The following DSCAM variants were observed in gnomAD, a reference collection of about 807,000 sequenced individuals.
DSCAM encodes the protein cell adhesion molecule DSCAM.
A neutral mutation model predicts 217.7 loss-of-function variants in DSCAM; 47 were observed. The ratio of observed to expected loss-of-function variants is 0.22; its 90% confidence interval spans 0.17 to 0.28. The LOEUF (loss-of-function observed/expected upper bound fraction) is 0.28, where lower values mean the gene tolerates loss of function less well. Ranked by LOEUF, DSCAM falls within the 10% of genes least tolerant of loss-of-function variation. The pLI is 1.00. For synonymous variants in DSCAM, 1,056 were observed against 1,015.3 expected, an observed-to-expected ratio of 1.04 and a Z score of -0.76; for missense variants, 2,080 against 2,618.3, an observed-to-expected ratio of 0.79 and a Z score of 4.49.
intron 10 of DSCAM, among the ~76,000 whole-genome samples, chr21:40,294,242 A>G (rs2073928675): frequency 6.6e-6 from 1 of 152,248 alleles, no homozygotes; most frequent in African/African-American, 2.4e-5. Flanking sequence ...AACACTTCCA[A>G]ATAAATAAGA....
intron 3 of DSCAM, among the ~76,000 whole-genome samples, chr21:40,671,506 C>CAA (rs1568975452): frequency 1.1e-4 from 16 of 151,480 alleles, no homozygotes; most frequent in South Asian, 6.3e-4. Context: ...AAACTCCCCC[C>CAA]CCGCACCGTC....
At chr21:40,736,202 T>A (rs1473405506) in intron 1 of DSCAM, among the ~76,000 whole-genome samples, 1 of 152,032 alleles carries the variant, frequency 6.6e-6, no homozygotes, top group Non-Finnish European at 1.5e-5. Flanking sequence ...CCCTACTCCC[T>A]CCCTGGACGC....
intron 8 of DSCAM, among the ~76,000 whole-genome samples, chr21:40,317,127 CCAGTT>C (rs2074206082): frequency 6.6e-6 from 1 of 152,210 alleles, no homozygotes; most frequent in African/African-American, 2.4e-5. Flanking sequence ...TATTTACTGT[CCAGTT>C]CAGTGCAAGG....
At chr21:40,241,579 T>A (rs1039345392) in intron 11 of DSCAM, among the ~76,000 whole-genome samples, 1 of 152,166 alleles carries the variant, frequency 6.6e-6, no homozygotes, top group Non-Finnish European at 1.5e-5. Flanking sequence ...GAAAGCAATA[T>A]GGTATGGTGA....
intron 3 of DSCAM, among the ~76,000 whole-genome samples, chr21:40,485,306 G>C (rs557699855): frequency 1.4e-5 from 2 of 144,826 alleles, no homozygotes; most frequent in South Asian, 2.2e-4. Context: ...GCAGTGGCGC[G>C]ATCTCGGCTC....
rs1461105836 is a variant in DSCAM at position 40,026,100 on chromosome 21, T to A, written c.5687-12714A>T. Reference sequence around the variant, plus strand: ...TTGTTCTCGTTGGTTTCAAAGAACATCTTTATTTCTGGTTTCATTTCGTTA... The same window carrying A: ...TTGTTCTCGTTGGTTTCAAAGAACAACTTTATTTCTGGTTTCATTTCGTTA... On this transcript the variant is annotated intron_variant, in intron 32 of 32. Coordinates refer to ENST00000400454, the MANE Select transcript of DSCAM (RefSeq NM_001389.5). Among the ~76,000 whole-genome samples, 11 of 142,430 alleles carry A rather than the reference T, an allele frequency of 7.7e-5. 2 individuals are homozygous for A. Among genetic ancestry groups the A allele is most frequent in the Admixed American group, 5.7e-4 (8 of 14,066 alleles). 93.4% of individuals were successfully genotyped at this position (142,430 alleles called of 152,430 possible).
At chr21:40,346,036 G>A (rs755520059) in intron 6 of DSCAM, among the ~76,000 whole-genome samples, 6 of 152,156 alleles carry the variant, frequency 3.9e-5, no homozygotes, top group Admixed American at 2.6e-4. Flanking sequence ...TTCTGACATC[G>A]TTATGGATCA....
At chr21:40,634,624 A>T (rs893260903) in intron 3 of DSCAM, among the ~76,000 whole-genome samples, 2 of 152,238 alleles carry the variant, frequency 1.3e-5, no homozygotes, top group Non-Finnish European at 2.9e-5. Context: ...CAAATAAGCT[A>T]TCAGTAAAAC....
intron 1 of DSCAM, among the ~76,000 whole-genome samples, chr21:40,715,009 A>G (rs2090826343): frequency 6.6e-6 from 1 of 152,158 alleles, no homozygotes; most frequent in African/African-American, 2.4e-5. Flanking sequence ...TTCTATCCTG[A>G]ACACTTGCTT....
intron 3 of DSCAM, among the ~76,000 whole-genome samples, chr21:40,374,332 T>C (rs2074929109): frequency 6.6e-6 from 1 of 152,246 alleles, no homozygotes; most frequent in African/African-American, 2.4e-5. Context: ...ACAGGGAAGA[T>C]CCCACTGACA....
chr21:40,843,639 C>A (rs1405320370), intron 1 of DSCAM, among the ~76,000 whole-genome samples: 1 of 151,972 alleles, frequency 6.6e-6, no homozygotes, highest in Non-Finnish European at 1.5e-5. Flanking sequence ...CATACGTGTA[C>A]CTTGGCTCCT....
chr21:40,477,701 G>C (rs1030478168), intron 3 of DSCAM, among the ~76,000 whole-genome samples: 2 of 152,046 alleles, frequency 1.3e-5, no homozygotes, highest in African/African-American at 4.8e-5. Flanking sequence ...GCACAAATTT[G>C]TAATTATTTT....
At chr21:40,772,543 G>A (rs942554248) in intron 1 of DSCAM, among the ~76,000 whole-genome samples, 1 of 152,188 alleles carries the variant, frequency 6.6e-6, no homozygotes, top group Non-Finnish European at 1.5e-5. Flanking sequence ...ACCTCCTGCT[G>A]CGGGTGGCTC....
chr21:40,671,826 G>C (rs2090279510), intron 3 of DSCAM, among the ~76,000 whole-genome samples: 1 of 151,640 alleles, frequency 6.6e-6, no homozygotes, highest in African/African-American at 2.4e-5. Context: ...AAGAATATAA[G>C]ACAGCAGTTC....
At chr21:40,447,465 C>T (rs2075684212) in intron 3 of DSCAM, among the ~76,000 whole-genome samples, 1 of 152,186 alleles carries the variant, frequency 6.6e-6, no homozygotes, top group Non-Finnish European at 1.5e-5. Context: ...AATGAACCAC[C>T]TCTATCCAAG....
chr21:40,675,656 T>C (rs377188761), intron 3 of DSCAM, among the ~76,000 whole-genome samples: 2 of 151,968 alleles, frequency 1.3e-5, no homozygotes, highest in African/African-American at 4.8e-5. Context: ...AGGTCGTATA[T>C]GTTAGTCACA....
At chr21:40,778,168 A>G (rs1313676369) in intron 1 of DSCAM, among the ~76,000 whole-genome samples, 1 of 152,202 alleles carries the variant, frequency 6.6e-6, no homozygotes, top group East Asian at 1.9e-4. Flanking sequence ...AAAAAGGAAC[A>G]CGACCTTAAA....
At chr21:40,534,500 G>A (rs1231947045) in intron 3 of DSCAM, among the ~76,000 whole-genome samples, 1 of 152,136 alleles carries the variant, frequency 6.6e-6, no homozygotes, top group Non-Finnish European at 1.5e-5. Context: ...GGGTAGACTT[G>A]GGGTGATCCA....
At chr21:40,113,844 C>A (rs1367990633) in intron 20 of DSCAM, among the ~76,000 whole-genome samples, 1 of 152,072 alleles carries the variant, frequency 6.6e-6, no homozygotes, top group African/African-American at 2.4e-5. Flanking sequence ...ACCTAGGAAT[C>A]CAACTTACAA....
Sources: allele counts gnomAD v4.1 joint callset (sites outside exome capture counted in the v4.1 genomes callset), GRCh38; gene constraint gnomAD v4.1.1; transcripts MANE v1.5; gene names NCBI Gene and HGNC (gene_info 2026-07-23, HGNC 2026-07-21).